RABEP2: variants seen among roughly 807,000 people sequenced by gnomAD.
RABEP2 encodes the protein rabaptin, RAB GTPase binding effector protein 2, also known as rab GTPase-binding effector protein 2.
Under a neutral mutation model 74.1 loss-of-function variants are expected in RABEP2, and 57 were observed. The observed-to-expected ratio is 0.77, with a 90% CI of 0.62 to 0.96. The LOEUF is 0.96. Ranked by LOEUF, RABEP2 falls within the 40% of genes least tolerant of loss-of-function variation. The pLI is 0.00. For synonymous variants in RABEP2, 351 were observed against 344.0 expected (o/e 1.02, Z -0.23); for missense variants, 692 against 756.3 (o/e 0.91, Z 1.00).
Position 28,905,820 on chromosome 16 carries a change from C to G in RABEP2, c.1435+47G>C, listed in dbSNP as rs1432220791. 2.5e-6 allele frequency: 4 copies of G among 1,613,866 alleles called. No homozygotes were observed. In the South Asian group the frequency reaches 3.3e-5, roughly 13 times the overall value. ...TGCCCTCTCCCTTTCCCCACCTAGC[C>G]CAGCCAGGGTGGGCGATCCCCAAGA... On this transcript the variant is annotated intron_variant, in intron 10 of 12. Transcript: ENST00000358201.
chr16:28,925,195 C>T lies in RABEP2; in HGVS notation c.-32G>A, dbSNP rs1159866009. ...AGCGCAAACGGCGGATTCCCGCACT[C>T]CCTGGTGACGGAGCGCACCGCTTCC... is the stretch of plus-strand genomic sequence containing the variant. On this transcript the variant is annotated 5_prime_UTR_variant, in exon 1 of 13. Coordinates refer to ENST00000358201, the MANE Select transcript of RABEP2 (RefSeq NM_024816.3). 2.6e-6 allele frequency: 4 copies of T among 1,518,100 alleles called. No individual in the cohort carries two copies. The Admixed American group carries it at 6.4e-5, about 24-fold the overall frequency. The allele number at this position is 1,518,100 out of a possible 1,614,324, so 94.0% of individuals were successfully genotyped here. A position where few individuals can be genotyped will look rare whatever the true frequency, so the allele number is the denominator to read the frequency against.
At chr16:28,920,267 T>C (rs1325387959) in intron 2 of RABEP2, among the ~76,000 whole-genome samples, 1 of 151,910 alleles carries the variant, frequency 6.6e-6, no homozygotes, top group Non-Finnish European at 1.5e-5. Flanking sequence ...AGGCAAGGTG[T>C]CCAGCCCTTT....
At chr16:28,906,240 G>A in intron 8 of RABEP2, 44 bp from the exon 9 acceptor site, 1 of 1,506,814 alleles carries the variant, frequency 6.6e-7, no homozygotes, top group Non-Finnish European at 8.8e-7. Context: ...GGGCAGGAGG[G>A]CAGGAGGGCA....
intron 3 of RABEP2, among the ~76,000 whole-genome samples, chr16:28,918,578 G>A (rs184077270): frequency 7.9e-5 from 12 of 151,954 alleles, no homozygotes; most frequent in Non-Finnish European, 1.5e-5. Context: ...TTGCGCCACT[G>A]TACTCCAGCC....
At position 28,914,659 on chromosome 16, in the gene RABEP2, GC is replaced by G. The variant is rs1423897232; in HGVS notation, c.543+12del. The G allele has an allele frequency of 1.2e-6, 2 of 1,613,776 alleles. No individual in the cohort carries two copies. Among genetic ancestry groups the G allele is most frequent in the Non-Finnish European group, 1.7e-6 (2 of 1,179,754 alleles). On this transcript the variant is annotated intron_variant, in intron 4 of 12. Coordinates refer to ENST00000358201, the MANE Select transcript of RABEP2 (RefSeq NM_024816.3). The stretch of plus-strand genomic sequence containing the variant: ...ACCCCTCCTTCCCCAGCGCCCCCTG[GC>G]CGTGCCCTCACCTGGATCTCCTGAA...
chr16:28,908,262 A>ATT (rs10653411), intron 8 of RABEP2, among the ~76,000 whole-genome samples: 112,704 of 151,928 alleles, frequency 0.74, 43,313 homozygotes, highest in African/African-American at 0.93. Flanking sequence ...TTATTAAGAA[A>ATT]AAGTTGACAA....
intron 4 of RABEP2, 25 bp from the exon 5 acceptor site, chr16:28,914,611 C>A: frequency 1.9e-6 from 3 of 1,610,012 alleles, no homozygotes; most frequent in Non-Finnish European, 2.5e-6. Context: ...AGGGAAGAGG[C>A]TGGGGGGCCA....
At chr16:28,923,452 T>C (rs1358061547) in intron 2 of RABEP2, among the ~76,000 whole-genome samples, 1 of 152,084 alleles carries the variant, frequency 6.6e-6, no homozygotes, top group Non-Finnish European at 1.5e-5. Flanking sequence ...CTAGCTATTG[T>C]TATTATTTAG....
chr16:28,920,030 A>C, intron 2 of RABEP2, 87 bp from the exon 3 acceptor site: 2 of 1,373,114 alleles, frequency 1.5e-6, no homozygotes, highest in South Asian at 1.5e-5. Context: ...TGATGCACTG[A>C]CTCTTTCTGT....
Position 28,914,456 on chromosome 16 carries a change from G to C in RABEP2, c.674C>G (p.Ala225Gly), listed in dbSNP as rs1227550245. The change falls in exon 5 of 13, where the codon GCT becomes GGT. Residue 225 changes from alanine (A) to glycine (G), a missense_variant. Coordinates refer to ENST00000358201, the MANE Select transcript of RABEP2 (RefSeq NM_024816.3). ...GGAGGCGCTGTCATCGCAGTTGTGAGCGAAGGCCTCAGCGGCTGGACCCCC... is the reference window on the plus strand; with the variant it reads ...GGAGGCGCTGTCATCGCAGTTGTGACCGAAGGCCTCAGCGGCTGGACCCCC... ...GDGGPAAEAFAHNCDDSASIS... is the reference protein window; with the variant it reads ...GDGGPAAEAFGHNCDDSASIS... 6.2e-7 allele frequency: 1 copy of C among 1,613,544 alleles called. No homozygotes were observed.
In RABEP2 at chr16:28,908,668, C is replaced by CTGA. The variant is rs772011017; in HGVS notation, c.1183_1185dup (p.Ser395dup). 1.9e-6 allele frequency: 3 copies of CTGA among 1,614,172 alleles called. No homozygotes were observed. The South Asian group carries it at 3.3e-5, about 18-fold the overall frequency. On this transcript the variant is annotated inframe_insertion, in exon 8 of 13. Coordinates refer to ENST00000358201, the MANE Select transcript of RABEP2 (RefSeq NM_024816.3). ...TGCTCCTGCTGCGAGCCCTGGGGGG[C>CTGA]TGAGGATGGCAGCTGCTCGGCCCGG...
intron 3 of RABEP2, among the ~76,000 whole-genome samples, chr16:28,917,489 G>A (rs183242096): frequency 2.0e-5 from 3 of 152,044 alleles, no homozygotes; most frequent in African/African-American, 2.4e-5. Context: ...GTATGATCTC[G>A]GCTCACTGCA....
At chr16:28,918,128 G>A (rs866954370) in intron 3 of RABEP2, among the ~76,000 whole-genome samples, 3 of 142,288 alleles carry the variant, frequency 2.1e-5, no homozygotes, top group South Asian at 2.2e-4. Context: ...GTGGGACTGC[G>A]GACTGCAGTG....
intron 2 of RABEP2, among the ~76,000 whole-genome samples, chr16:28,921,810 CAA>C (rs777295746): frequency 2.0e-5 from 3 of 151,596 alleles, no homozygotes; most frequent in Non-Finnish European, 4.4e-5. Context: ...ACTGAAAACA[CAA>C]AATTTAACCA....
At position 28,924,530 on chromosome 16, in the gene RABEP2, G is replaced by A. The variant is rs746641062; in HGVS notation, c.147C>T (p.Gly49=). Residue 49 remains glycine, a synonymous_variant, in exon 2 of 13, where the codon GGC becomes GGT. Transcript: ENST00000358201. ...ELSRLRAELA[G]ALAEMETMKA... is the part of the protein sequence containing the mutation. The stretch of plus-strand genomic sequence containing the variant: ...TCATGGTTTCCATTTCTGCCAGGGC[G>A]CCTGCCAGCTCAGCCCGAAGCCGGC... 2.5e-5 allele frequency: 40 copies of A among 1,613,818 alleles called. No homozygotes were observed. The highest frequency in any genetic ancestry group is 3.1e-5 in the Non-Finnish European group (36 of 1,180,022).
chr16:28,917,453 T>C (rs1406368390), intron 3 of RABEP2, among the ~76,000 whole-genome samples: 1 of 152,214 alleles, frequency 6.6e-6, no homozygotes, highest in Non-Finnish European at 1.5e-5. Flanking sequence ...GGAATCTTGC[T>C]CTGTTGCCCA....
chr16:28,921,362 A>G, intron 2 of RABEP2: 1 of 397,220 alleles, frequency 2.5e-6, no homozygotes, highest in South Asian at 1.8e-5. Context: ...CAGAGGAAGG[A>G]GCCCTCACTC....
rs567581106 is a variant in RABEP2 at position 28,920,062 on chromosome 16, T to C, written c.275-119A>G. 21 of 1,211,486 alleles carry C rather than the reference T, an allele frequency of 1.7e-5. No homozygotes were observed. The Admixed American group carries it at 5.2e-4, about 30-fold the overall frequency. The allele number at this position is 1,211,486 out of a possible 1,614,324, so 75.0% of individuals were successfully genotyped here. A position where few individuals can be genotyped will look rare whatever the true frequency, so the allele number is the denominator to read the frequency against. On this transcript the variant is annotated intron_variant, in intron 2 of 12. Coordinates refer to ENST00000358201, the MANE Select transcript of RABEP2 (RefSeq NM_024816.3). Reference sequence around the variant, plus strand: ...CTGTGAGACAATCTACCATAGCAGTTGCCATGGCAGGCTTTGCAGAAATTG... The same window carrying C: ...CTGTGAGACAATCTACCATAGCAGTCGCCATGGCAGGCTTTGCAGAAATTG...
At chr16:28,908,808 G>A (rs540261320) in intron 7 of RABEP2, 44 bp from the exon 8 acceptor site, 41 of 1,588,588 alleles carry the variant, frequency 2.6e-5, no homozygotes, top group Middle Eastern at 1.7e-4. Flanking sequence ...AGGACAGGGC[G>A]TCTCCAGTCC....
Sources: gnomAD v4.1 joint callset for allele counts (sites outside exome capture counted in the v4.1 genomes callset) on GRCh38, gnomAD v4.1.1 for gene constraint, MANE v1.5 for transcripts, NCBI Gene and HGNC (gene_info 2026-07-23, HGNC 2026-07-21) for gene names.